The following CTNNA3 variants were observed in gnomAD, a reference collection of about 807,000 sequenced individuals.
CTNNA3 encodes the protein catenin alpha 3, also known as catenin alpha-3.
CTNNA3 carries 76 observed loss-of-function variants against 95.7 expected under a neutral mutation model. The ratio of observed to expected loss-of-function variants is 0.79; its 90% CI spans 0.66 to 0.96. The LOEUF is 0.96. Ranked by LOEUF, CTNNA3 falls within the 40% of genes least tolerant of loss-of-function variation. The pLI, the probability that CTNNA3 is intolerant of heterozygous loss-of-function variation, is 0.00. For synonymous variants in CTNNA3, 431 were observed against 374.4 expected, an observed-to-expected ratio of 1.15 and a Z score of -1.74; for missense variants, 1,191 against 1,089.8, an observed-to-expected ratio of 1.09 and a Z score of -1.31.
intron 5 of CTNNA3, among the ~76,000 whole-genome samples, chr10:67,511,940 C>A (rs554209457): frequency 1.3e-5 from 2 of 151,880 alleles, no homozygotes; most frequent in Non-Finnish European, 2.9e-5. Context: ...GTATGTGTCC[C>A]GGAATTTATC....
intron 5 of CTNNA3, among the ~76,000 whole-genome samples, chr10:67,237,591 A>G (rs1477630976): frequency 6.6e-6 from 1 of 152,130 alleles, no homozygotes; most frequent in Non-Finnish European, 1.5e-5. Context: ...ATAATAGAAA[A>G]AAAAAGAAGC....
At chr10:66,573,723 T>C (rs78504495) in intron 10 of CTNNA3, among the ~76,000 whole-genome samples, 3,615 of 152,284 alleles carry the variant, frequency 0.024, 84 homozygotes, top group South Asian at 0.056. Context: ...TCATTTAGTA[T>C]CTTAGAATAT....
chr10:67,087,698 A>G lies in CTNNA3; in HGVS notation c.1047+92619T>C, dbSNP rs964317440. On this transcript the variant is annotated intron_variant, in intron 7 of 17. Coordinates refer to ENST00000433211, the MANE Select transcript of CTNNA3 (RefSeq NM_013266.4). ...ATTTTAGCCCTCTACCTCTAAGCTA[A>G]TGTCATAATGGCCTGGATCCTTACA... 4.6e-5 allele frequency among the ~76,000 whole-genome samples: 7 copies of G among 151,996 alleles called. No homozygotes were observed. The East Asian group carries it at 1.4e-3, about 29-fold the overall frequency.
chr10:67,508,785 A>C (rs568380178), intron 5 of CTNNA3, among the ~76,000 whole-genome samples: 1 of 152,214 alleles, frequency 6.6e-6, no homozygotes, highest in Non-Finnish European at 1.5e-5. Flanking sequence ...TTGAAAATCT[A>C]TAAGGAAGTC....
intron 3 of CTNNA3, among the ~76,000 whole-genome samples, chr10:67,602,357 T>C (rs1356281572): frequency 2.0e-5 from 3 of 152,228 alleles, no homozygotes; most frequent in Non-Finnish European, 4.4e-5. Flanking sequence ...CTATCCCTAC[T>C]ATCCATAGGA....
chr10:65,976,328 A>G (rs2078206978), intron 16 of CTNNA3, among the ~76,000 whole-genome samples: 1 of 152,168 alleles, frequency 6.6e-6, no homozygotes, highest in Admixed American at 6.5e-5. Context: ...GATAAAATCA[A>G]ACTGTCAAAC....
At chr10:66,485,712 T>G (rs1287738766) in intron 11 of CTNNA3, among the ~76,000 whole-genome samples, 1 of 152,122 alleles carries the variant, frequency 6.6e-6, no homozygotes, top group Non-Finnish European at 1.5e-5. Context: ...CAAATTCCAA[T>G]GGTATTTTTC....
chr10:66,829,579 C>T (rs1383869741), intron 7 of CTNNA3, among the ~76,000 whole-genome samples: 2 of 147,606 alleles, frequency 1.4e-5, no homozygotes, highest in Non-Finnish European at 3.0e-5. Flanking sequence ...CACCACTGCA[C>T]TTCAGCCTGG....
chr10:67,102,414 T>C (rs1858394039), intron 7 of CTNNA3, among the ~76,000 whole-genome samples: 1 of 151,902 alleles, frequency 6.6e-6, no homozygotes, highest in African/African-American at 2.4e-5. Context: ...TGCATTATAG[T>C]TTTATTGTGA....
chr10:66,408,251 G>C (rs532569830), intron 11 of CTNNA3, among the ~76,000 whole-genome samples: 4 of 152,140 alleles, frequency 2.6e-5, no homozygotes, highest in East Asian at 3.9e-4. Context: ...CACAAATATG[G>C]AACCCATGGA....
chr10:67,436,425 T>C (rs1263168940), intron 5 of CTNNA3, among the ~76,000 whole-genome samples: 1 of 152,000 alleles, frequency 6.6e-6, no homozygotes. Flanking sequence ...AGGATTTCAT[T>C]ACCAAGAACC....
upstream of CTNNA3, among the ~76,000 whole-genome samples, chr10:67,700,184 C>T (rs1841024807): frequency 6.6e-6 from 1 of 152,252 alleles, no homozygotes; most frequent in Admixed American, 6.5e-5. Context: ...TAGGCTCCAC[C>T]TCTGGGGGCA....
chr10:67,208,350 G>C (rs1232997920), intron 6 of CTNNA3, among the ~76,000 whole-genome samples: 1 of 142,906 alleles, frequency 7.0e-6, no homozygotes, highest in East Asian at 2.2e-4. Context: ...CTGCACTCCA[G>C]CCTGGGTGAC....
intron 11 of CTNNA3, among the ~76,000 whole-genome samples, chr10:66,487,102 G>A (rs1296316870): frequency 6.9e-6 from 1 of 144,182 alleles, no homozygotes; most frequent in Non-Finnish European, 1.5e-5. Context: ...AGACGAATAA[G>A]TTCAGGGAAT....
intron 5 of CTNNA3, among the ~76,000 whole-genome samples, chr10:67,452,986 C>T (rs1847047148): frequency 6.6e-6 from 1 of 152,154 alleles, no homozygotes; most frequent in Non-Finnish European, 1.5e-5. Flanking sequence ...GTATTAGCCA[C>T]ACTTCAACAT....
chr10:67,025,465 T>C (rs984912884), intron 7 of CTNNA3, among the ~76,000 whole-genome samples: 2 of 152,130 alleles, frequency 1.3e-5, no homozygotes, highest in Non-Finnish European at 2.9e-5. Context: ...AATAAGATCA[T>C]AGATTACCAA....
At chr10:66,909,142 G>C (rs1323006564) in intron 7 of CTNNA3, among the ~76,000 whole-genome samples, 2 of 152,128 alleles carry the variant, frequency 1.3e-5, no homozygotes, top group South Asian at 4.1e-4. Context: ...AACAGGAAGA[G>C]TAAACAGCTC....
intron 11 of CTNNA3, among the ~76,000 whole-genome samples, chr10:66,516,328 A>C (rs947000935): frequency 6.6e-6 from 1 of 152,172 alleles, no homozygotes; most frequent in African/African-American, 2.4e-5. Context: ...AGAGCAGTGG[A>C]AACCACTCAG....
chr10:66,904,215 C>T (rs1035484060), intron 7 of CTNNA3, among the ~76,000 whole-genome samples: 1 of 151,960 alleles, frequency 6.6e-6, no homozygotes, highest in African/African-American at 2.4e-5. Context: ...AGAAATAACA[C>T]ATCCACAGCC....
Sources: gnomAD v4.1 joint callset for allele counts (sites outside exome capture counted in the v4.1 genomes callset) on GRCh38, gnomAD v4.1.1 for gene constraint, MANE v1.5 for transcripts, NCBI Gene and HGNC (gene_info 2026-07-23, HGNC 2026-07-21) for gene names.